PARP11: variants seen among roughly 807,000 people sequenced by gnomAD.
PARP11 encodes poly(ADP-ribose) polymerase family member 11, also known as protein mono-ADP-ribosyltransferase PARP11.
In PARP11, 31 loss-of-function variants were observed where a neutral mutation model predicts 42.9. That is an observed-to-expected ratio of 0.72 (90% CI 0.54 to 0.98). PARP11 has a LOEUF of 0.98. Among genes scored for constraint, PARP11 ranks in the 50% least tolerant of loss-of-function variants. The pLI, the probability that PARP11 is intolerant of heterozygous loss-of-function variation, is 0.00. For missense variants in PARP11, 365 were observed against 413.1 expected (o/e 0.88, Z 1.01); for synonymous variants, 137 against 127.3 (o/e 1.08, Z -0.51).
chr12:3,839,622 T>TACATAAGA, intron 1 of PARP11: 2 of 1,052,924 alleles, frequency 1.9e-6, no homozygotes, highest in Non-Finnish European at 3.0e-6. Flanking sequence ...TGGAAATAAG[T>TACATAAGA]GCCCTTTCTC....
intron 2 of PARP11, 70 bp from the exon 3 acceptor site, chr12:3,829,100 T>G: frequency 6.4e-7 from 1 of 1,573,154 alleles, no homozygotes; most frequent in Non-Finnish European, 8.7e-7. Flanking sequence ...GAGGTGGTAC[T>G]GTGGTCATAG....
chr12:3,858,859 G>T (rs1429359915), intron 1 of PARP11, among the ~76,000 whole-genome samples: 1 of 152,128 alleles, frequency 6.6e-6, no homozygotes, highest in African/African-American at 2.4e-5. Flanking sequence ...GGAGGCCCAG[G>T]TGTGTGGATC....
rs1947185898 is a variant in PARP11, at chr12:3,811,922, CA to C, written c.*200del. ...ATCAATGATATCAACTTTTAACAAACAAGACTACAAGAAACAGGCAAAAACA... is the reference window on the plus strand; with the variant it reads ...ATCAATGATATCAACTTTTAACAAACAGACTACAAGAAACAGGCAAAAACA... On this transcript the variant is annotated 3_prime_UTR_variant, in exon 8 of 8. Coordinates refer to ENST00000228820, the MANE Select transcript of PARP11 (RefSeq NM_020367.6). The C allele has an allele frequency of 1.9e-6, 1 of 525,674 alleles. No homozygotes were observed. The highest frequency in any genetic ancestry group is 3.3e-6 in the Non-Finnish European group (1 of 300,550). 32.6% of individuals were successfully genotyped at this position (525,674 alleles called of 1,614,324 possible). A position where few individuals can be genotyped will look rare whatever the true frequency, so the allele number is the denominator to read the frequency against.
intron 1 of PARP11, among the ~76,000 whole-genome samples, chr12:3,846,814 G>A (rs1948011160): frequency 6.6e-6 from 1 of 151,594 alleles, no homozygotes; most frequent in Non-Finnish European, 1.5e-5. Context: ...GATGGGTGCA[G>A]TGGCTCATGC....
chr12:3,810,795 G>A lies in PARP11; in HGVS notation c.*1328C>T, dbSNP rs922883802. 6.6e-6 allele frequency: 1 copy of A among 151,448 alleles called. No homozygotes were observed. The highest frequency in any genetic ancestry group is 1.5e-5 in the Non-Finnish European group (1 of 67,976). 9.4% of individuals were successfully genotyped at this position (151,448 alleles called of 1,614,324 possible). On this transcript the variant is annotated 3_prime_UTR_variant, in exon 8 of 8. Coordinates refer to ENST00000228820, the MANE Select transcript of PARP11 (RefSeq NM_020367.6). Reference sequence around the variant, plus strand: ...GAGGAGAGGAAGAGAAGAGGAAGAGGAAGACAGAAGAGAAGAGAAAGAAGA... The same window carrying A: ...GAGGAGAGGAAGAGAAGAGGAAGAGAAAGACAGAAGAGAAGAGAAAGAAGA...
At chr12:3,839,772 T>C (rs1947849026) in intron 1 of PARP11, 4 of 1,134,304 alleles carry the variant, frequency 3.5e-6, no homozygotes, top group Non-Finnish European at 5.4e-6. Flanking sequence ...CCGTAAAGTA[T>C]AAAGAAAGCT....
At chr12:3,864,388 T>C (rs1177202957) in intron 1 of PARP11, among the ~76,000 whole-genome samples, 1 of 152,204 alleles carries the variant, frequency 6.6e-6, no homozygotes, top group African/African-American at 2.4e-5. Flanking sequence ...GGTCTGTAGT[T>C]TTCTATGATG....
At chr12:3,872,118 T>C (rs1256731669) in intron 1 of PARP11, among the ~76,000 whole-genome samples, 1 of 152,198 alleles carries the variant, frequency 6.6e-6, no homozygotes, top group Non-Finnish European at 1.5e-5. Flanking sequence ...AGAAGGGACC[T>C]TCCTCCTCCG....
At chr12:3,851,073 AAAG>A (rs1307877181) in intron 1 of PARP11, among the ~76,000 whole-genome samples, 25 of 152,372 alleles carry the variant, frequency 1.6e-4, no homozygotes, top group African/African-American at 6.0e-4. Flanking sequence ...TGAAAATTGA[AAAG>A]AATACTGAAT....
At chr12:3,862,002 T>G (rs1405968798) in intron 1 of PARP11, among the ~76,000 whole-genome samples, 1 of 151,932 alleles carries the variant, frequency 6.6e-6, no homozygotes. Flanking sequence ...TCCAACCTGG[T>G]TGATGGAGCG....
chr12:3,839,657 C>A, intron 1 of PARP11: 1 of 971,902 alleles, frequency 1.0e-6, no homozygotes, highest in Non-Finnish European at 1.7e-6. Context: ...GATTTTATAA[C>A]TAATCTGGAA....
intron 1 of PARP11, among the ~76,000 whole-genome samples, chr12:3,849,278 A>G (rs1397131376): frequency 1.3e-5 from 2 of 152,152 alleles, no homozygotes; most frequent in African/African-American, 4.8e-5. Flanking sequence ...TAGAACTACC[A>G]TATTATCCAG....
At chr12:3,845,534 T>G (rs1947979560) in intron 1 of PARP11, among the ~76,000 whole-genome samples, 1 of 152,224 alleles carries the variant, frequency 6.6e-6, no homozygotes, top group African/African-American at 2.4e-5. Flanking sequence ...ATATTTATTT[T>G]GGCCTCTTTT....
intron 1 of PARP11, among the ~76,000 whole-genome samples, chr12:3,852,189 A>G (rs887364572): frequency 3.9e-5 from 6 of 152,252 alleles, no homozygotes; most frequent in Non-Finnish European, 5.9e-5. Flanking sequence ...AAACCAGAGC[A>G]GAAAAGCTGA....
chr12:3,855,704 G>A (rs915632691), intron 1 of PARP11, among the ~76,000 whole-genome samples: 1 of 152,110 alleles, frequency 6.6e-6, no homozygotes, highest in African/African-American at 2.4e-5. Context: ...TACTGCCCAA[G>A]GTAATTTATA....
At chr12:3,847,718 C>T (rs1488910567) in intron 1 of PARP11, among the ~76,000 whole-genome samples, 2 of 152,108 alleles carry the variant, frequency 1.3e-5, no homozygotes, top group African/African-American at 4.8e-5. Context: ...TAGTATCACA[C>T]TAAATGGGAA....
chr12:3,857,133 G>C lies in PARP11; in HGVS notation c.18+16079C>G, dbSNP rs142058488. Among the ~76,000 whole-genome samples the C allele has an allele frequency of 7.5e-3, 1,132 of 151,902 alleles. 17 individuals are homozygous for C. Among genetic ancestry groups the C allele is most frequent in the African/African-American group, 0.025 (1,047 of 41,372 alleles). ...CACACACCAGGGCCTGTCGGGGGGT[G>C]GGGGGCTGGGGGAAGGATAGCATTA... On this transcript the variant is annotated intron_variant, in intron 1 of 7. Transcript: ENST00000228820.
chr12:3,839,561 T>C, intron 1 of PARP11: 1 of 1,458,666 alleles, frequency 6.9e-7, no homozygotes, highest in South Asian at 1.1e-5. Context: ...GGAGGATCAT[T>C]TGAAGGATAT....
At chr12:3,836,231 A>G (rs534999702) in intron 1 of PARP11, among the ~76,000 whole-genome samples, 7 of 152,214 alleles carry the variant, frequency 4.6e-5, no homozygotes, top group Non-Finnish European at 8.8e-5. Flanking sequence ...CTGATCACAT[A>G]TAAGAGAATC....
Sources: allele counts gnomAD v4.1 joint callset (sites outside exome capture counted in the v4.1 genomes callset), GRCh38; gene constraint gnomAD v4.1.1; transcripts MANE v1.5; gene names NCBI Gene and HGNC (gene_info 2026-07-23, HGNC 2026-07-21).